The following STK32B variants were observed in gnomAD, a reference collection of about 807,000 sequenced individuals.
STK32B encodes serine/threonine-protein kinase 32B.
In STK32B, 43 loss-of-function variants were observed where a neutral mutation model predicts 52.6. That is an observed-to-expected ratio of 0.82 (90% CI 0.64 to 1.05). The LOEUF is 1.05. STK32B is among the 50% of genes least tolerant of loss of function. The pLI is 0.00. For missense variants in STK32B, 621 were observed against 534.6 expected (o/e 1.16, Z -1.59); for synonymous variants, 238 against 204.3 (o/e 1.17, Z -1.41).
rs1180075285 is a variant in STK32B at position 5,317,078 on chromosome 4, TTA to T, written c.261-14133_261-14132del. ...TATATATGATATAATATATTATATA[TTA>T]TATATATAATATATATGATATAATA... On this transcript the variant is annotated intron_variant, in intron 3 of 11. Coordinates refer to ENST00000282908, the MANE Select transcript of STK32B (RefSeq NM_018401.3). 8.4e-4 allele frequency among the ~76,000 whole-genome samples: 25 copies of T among 29,710 alleles called. 1 individual carries two copies. Among genetic ancestry groups the T allele is most frequent in the East Asian group, 1.4e-3 (1 of 722 alleles). 19.5% of individuals were successfully genotyped at this position (29,710 alleles called of 152,430 possible).
chr4:5,435,856 G>A (rs1714021287), intron 6 of STK32B: 1 of 152,362 alleles, frequency 6.6e-6, no homozygotes, highest in Non-Finnish European at 1.5e-5. Context: ...GCAGGAGGGA[G>A]ATGGTAAGGA....
At chr4:5,454,855 TCA>T (rs542289320) in intron 7 of STK32B, among the ~76,000 whole-genome samples, 83 of 152,252 alleles carry the variant, frequency 5.5e-4, no homozygotes, top group Middle Eastern at 3.4e-3. Context: ...CGAAGGGATC[TCA>T]CACACGCAAT....
chr4:5,142,554 TGTC>T (rs2108835229), intron 2 of STK32B, among the ~76,000 whole-genome samples: 1 of 152,358 alleles, frequency 6.6e-6, no homozygotes, highest in East Asian at 1.9e-4. Context: ...GCATTTATGT[TGTC>T]AAGTGAATTG....
At chr4:5,447,606 A>C (rs1715580245) in intron 7 of STK32B, among the ~76,000 whole-genome samples, 1 of 152,200 alleles carries the variant, frequency 6.6e-6, no homozygotes, top group African/African-American at 2.4e-5. Flanking sequence ...ACTGCACTCT[A>C]GCCTAGGTGA....
intron 4 of STK32B, among the ~76,000 whole-genome samples, chr4:5,357,409 C>T (rs935828364): frequency 4.0e-5 from 6 of 151,870 alleles, no homozygotes; most frequent in African/African-American, 1.5e-4. Context: ...GTGATGACAA[C>T]TACAGTTGAT....
chr4:5,480,205 A>T (rs1317171136), intron 11 of STK32B, among the ~76,000 whole-genome samples: 2 of 152,186 alleles, frequency 1.3e-5, no homozygotes, highest in Non-Finnish European at 2.9e-5. Flanking sequence ...TTTTTAAATC[A>T]ACACACACTG....
chr4:5,022,172 G>A, the STK32B span, among the ~76,000 whole-genome samples: 3 of 152,264 alleles, frequency 2.0e-5, no homozygotes, highest in African/African-American at 7.2e-5. Context: ...ACATTGACTT[G>A]CCTCCTGGCA....
At chr4:5,450,822 C>T (rs1715921643) in intron 7 of STK32B, among the ~76,000 whole-genome samples, 1 of 152,176 alleles carries the variant, frequency 6.6e-6, no homozygotes, top group Non-Finnish European at 1.5e-5. Flanking sequence ...GGAGGAACTG[C>T]TGGAAAGCCT....
chr4:5,168,223 G>A (rs1219244656), intron 2 of STK32B, 76 bp from the exon 3 acceptor site: 11 of 1,536,998 alleles, frequency 7.2e-6, no homozygotes, highest in Admixed American at 1.8e-5. Context: ...TAAAAATGCA[G>A]TGCGGGGTGA....
intron 3 of STK32B, among the ~76,000 whole-genome samples, chr4:5,278,357 G>T: frequency 6.6e-6 from 1 of 152,194 alleles, no homozygotes; most frequent in East Asian, 1.9e-4. Context: ...AGCTGAGCTG[G>T]TCTCAGTTAT....
At chr4:5,451,799 G>C (rs1022725940) in intron 7 of STK32B, among the ~76,000 whole-genome samples, 1 of 152,172 alleles carries the variant, frequency 6.6e-6, no homozygotes, top group South Asian at 2.1e-4. Context: ...TCCCCTGGGG[G>C]ACAGTTGTCC....
chr4:5,196,334 GTTTTTTTTTTTT>G (rs35605834), intron 3 of STK32B, among the ~76,000 whole-genome samples: 2 of 87,714 alleles, frequency 2.3e-5, no homozygotes, highest in African/African-American at 5.2e-5. Flanking sequence ...TCTTTCTTCA[GTTTTTTTTTTTT>G]TTTTTTTTTT....
At chr4:5,120,966 G>A (rs1156349691) in intron 1 of STK32B, among the ~76,000 whole-genome samples, 2 of 151,922 alleles carry the variant, frequency 1.3e-5, no homozygotes, top group Admixed American at 1.3e-4. Flanking sequence ...GGGTACAGGT[G>A]GATTTTGGTT....
intron 11 of STK32B, among the ~76,000 whole-genome samples, chr4:5,468,472 A>G (rs1296566104): frequency 6.6e-6 from 1 of 152,232 alleles, no homozygotes; most frequent in East Asian, 1.9e-4. Context: ...GGTCAGCATC[A>G]GCCCAGTGGA....
intron 2 of STK32B, among the ~76,000 whole-genome samples, chr4:5,156,709 G>A (rs1542203): frequency 0.34 from 51,967 of 152,046 alleles, 10,281 homozygotes; most frequent in African/African-American, 0.55. Flanking sequence ...TGAAGTAAAC[G>A]TGGAGTTAAT....
chr4:5,280,308 C>A (rs1180886800), intron 3 of STK32B, among the ~76,000 whole-genome samples: 1 of 152,152 alleles, frequency 6.6e-6, no homozygotes, highest in African/African-American at 2.4e-5. Flanking sequence ...TACTCCAGTT[C>A]CCAGTAAGTT....
intron 4 of STK32B, among the ~76,000 whole-genome samples, chr4:5,365,584 TAG>T (rs1258033964): frequency 1.3e-5 from 2 of 152,332 alleles, no homozygotes; most frequent in Non-Finnish European, 2.9e-5. Context: ...GCAGTGAAAT[TAG>T]AGTCTGGGCT....
At chr4:5,477,792 CACTT>C (rs902095088) in intron 11 of STK32B, among the ~76,000 whole-genome samples, 1 of 152,122 alleles carries the variant, frequency 6.6e-6, no homozygotes, top group African/African-American at 2.4e-5. Context: ...CACGTGGCCT[CACTT>C]AACACCAAGG....
intron 3 of STK32B, among the ~76,000 whole-genome samples, chr4:5,256,249 T>G (rs1223819157): frequency 6.6e-6 from 1 of 152,218 alleles, no homozygotes; most frequent in Non-Finnish European, 1.5e-5. Flanking sequence ...CTCACAAGCT[T>G]AGTGTCTTTT....
Sources: gnomAD v4.1 joint callset for allele counts (sites outside exome capture counted in the v4.1 genomes callset) on GRCh38, gnomAD v4.1.1 for gene constraint, MANE v1.5 for transcripts, NCBI Gene and HGNC (gene_info 2026-07-23, HGNC 2026-07-21) for gene names.